CUBN: variants seen among roughly 807,000 people sequenced by gnomAD.
CUBN encodes cubilin.
Under a neutral mutation model 405.3 loss-of-function variants are expected in CUBN, and 282 were observed. That is an observed-to-expected ratio of 0.70 (90% CI 0.63 to 0.77). The LOEUF (loss-of-function observed/expected upper bound fraction) is 0.77, where lower values mean the gene tolerates loss of function less well. Among genes scored for constraint, CUBN ranks in the 30% least tolerant of loss-of-function variants. CUBN has a pLI of 0.00. For synonymous variants in CUBN, 1,684 were observed against 1,617.0 expected (o/e 1.04, Z -0.99); for missense variants, 4,514 against 4,475.2 (o/e 1.01, Z -0.25).
At chr10:16,956,339 A>C (rs1017251204) in intron 31 of CUBN, among the ~76,000 whole-genome samples, 4 of 151,998 alleles carry the variant, frequency 2.6e-5, no homozygotes, top group African/African-American at 7.2e-5. Context: ...ATATATATAT[A>C]TATCTCCAAT....
At chr10:17,066,475 C>T (rs1328222745) in intron 21 of CUBN, among the ~76,000 whole-genome samples, 2 of 151,576 alleles carry the variant, frequency 1.3e-5, no homozygotes, top group South Asian at 2.1e-4. Context: ...GAAATGGATA[C>T]GTCAATTGCT....
At chr10:16,856,168 G>A (rs534719166) in intron 59 of CUBN, among the ~76,000 whole-genome samples, 52 of 152,092 alleles carry the variant, frequency 3.4e-4, no homozygotes, top group African/African-American at 1.2e-3. Flanking sequence ...TAATGTATAA[G>A]CCATCTTAAC....
chr10:17,068,279 T>C lies in CUBN; in HGVS notation c.2793A>G (p.Ala931=), dbSNP rs1835658360. The C allele has an allele frequency of 6.2e-7, 1 of 1,613,522 alleles. No individual in the cohort carries two copies. The highest frequency in any genetic ancestry group is 8.5e-7 in the Non-Finnish European group (1 of 1,179,538). ...TTGATTCTGTAAGAATTTCTCCACA[T>C]GCTGTTGAAATAAAAATTATAATTA... ...FMAKFSAEDL[A]CGEILTESTG... The change falls in exon 21 of 67, where the codon GCA becomes GCG. Residue 931 remains alanine (A), a splice_region_variant and synonymous_variant. Coordinates refer to ENST00000377833, the MANE Select transcript of CUBN (RefSeq NM_001081.4).
At chr10:16,910,193 TC>T (rs755673635) in intron 48 of CUBN, among the ~76,000 whole-genome samples, 1 of 151,606 alleles carries the variant, frequency 6.6e-6, no homozygotes, top group African/African-American at 2.4e-5. Context: ...CTTCCCCTTC[TC>T]CCTCTTCTCC....
chr10:16,954,267 A>G, intron 32 of CUBN, 122 bp downstream of exon 32: 1 of 1,154,574 alleles, frequency 8.7e-7, no homozygotes, highest in Non-Finnish European at 1.3e-6. Flanking sequence ...GTTCTATTTA[A>G]TTTTTTACAT....
chr10:17,010,364 G>C (rs1357643361), intron 28 of CUBN, among the ~76,000 whole-genome samples: 1 of 152,176 alleles, frequency 6.6e-6, no homozygotes, highest in Non-Finnish European at 1.5e-5. Context: ...ACTTGGGCCA[G>C]GTGCAGTGGC....
At position 16,869,839 on chromosome 10, in the gene CUBN, T is replaced by C; in HGVS notation, c.9251A>G (p.Asp3084Gly). Residue 3084 changes from aspartate (D) to glycine (G), a missense_variant, in exon 59 of 67, where the codon GAT becomes GGT. Transcript: ENST00000377833. ...GGAGCAGGAGGTGGAGGGAACCACA[T>C]CAAAATCACTGAACCTGTGAAATGT... ...KVIELKFSDF[D>G]VVPSTSCSHD... 6.2e-7 allele frequency: 1 copy of C among 1,610,846 alleles called. No homozygotes were observed. The highest frequency in any genetic ancestry group is 2.2e-5 in the East Asian group (1 of 44,836).
intron 64 of CUBN, among the ~76,000 whole-genome samples, chr10:16,831,685 T>G (rs1293724552): frequency 6.6e-6 from 1 of 152,236 alleles, no homozygotes; most frequent in Non-Finnish European, 1.5e-5. Context: ...GCAGCTTTTT[T>G]ATACCGTAGT....
intron 31 of CUBN, among the ~76,000 whole-genome samples, chr10:16,962,455 G>C (rs1588524640): frequency 6.6e-6 from 1 of 151,638 alleles, no homozygotes; most frequent in East Asian, 1.9e-4. Context: ...TGTAGGGGTG[G>C]GGGGTGGTAG....
rs762174090 is a variant in CUBN at position 16,840,891 on chromosome 10, T to G, written c.9820A>C (p.Met3274Leu). 6.2e-7 allele frequency: 1 copy of G among 1,610,886 alleles called. No homozygotes were observed. The highest frequency in any genetic ancestry group is 2.2e-5 in the East Asian group (1 of 44,858). Residue 3274 changes from methionine (M) to leucine (L), a missense_variant, in exon 61 of 67, where the codon ATG becomes CTG. Around this residue, in one of 5 missense-constraint regions of CUBN, gnomAD observed 1,186 missense variants for 1,186.9 expected, o/e 1.00. Transcript: ENST00000377833. ...AATGCTTCTATTTACTCACTGTCCATGATGGTGTATGTAGCATTAAATCCT... is the reference window on the plus strand; with the variant it reads ...AATGCTTCTATTTACTCACTGTCCAGGATGGTGTATGTAGCATTAAATCCT... ...REGFNATYTIMDMPCGGTYNA... is the reference protein window; with the variant it reads ...REGFNATYTILDMPCGGTYNA...
In CUBN at chr10:17,100,044, C is replaced by G. The variant is rs1374227703; in HGVS notation, c.1726G>C (p.Gly576Arg). 6.2e-7 allele frequency: 1 copy of G among 1,613,802 alleles called. No individual in the cohort carries two copies. The highest frequency in any genetic ancestry group is 8.5e-7 in the Non-Finnish European group (1 of 1,179,812). The change falls in exon 14 of 67, where the codon GGG becomes CGG. Residue 576 changes from glycine to arginine, a missense_variant. By Grantham distance (125) the Gly-to-Arg change is moderately radical. Transcript: ENST00000377833. ...TCCCATCTTACTGTAAAGCCTCTCC[C>G]ATTTCTTAAATGTTCAGAATAGAGA... The part of the protein sequence containing the change: ...FHLYSEHLRN[G>R]RGFTVRWETQ...
Position 16,990,416 on chromosome 10 carries a change from G to A in CUBN, c.4268C>T (p.Thr1423Met), listed in dbSNP as rs483352704. The change falls in exon 29 of 67, where the codon ACG becomes ATG. Residue 1423 changes from threonine (T) to methionine (M), a missense_variant. Physicochemically the swap from Thr to Met is moderately conservative, Grantham distance 81. Coordinates refer to ENST00000377833, the MANE Select transcript of CUBN (RefSeq NM_001081.4). ...GAGCTGAATGCTACTCCCGGGGTCC[G>A]TCCTAATGTACCAGATACACTCCTT... is the stretch of plus-strand genomic sequence containing the variant. ...PNKECIWYIR[T>M]DPGSSIQLTI... The A allele has an allele frequency of 1.2e-5, 19 of 1,614,112 alleles. No homozygotes were observed. The highest frequency in any genetic ancestry group is 3.3e-5 in the Admixed American group (2 of 60,012).
At chr10:16,838,581 G>C (rs1588573852) in intron 62 of CUBN, among the ~76,000 whole-genome samples, 1 of 152,306 alleles carries the variant, frequency 6.6e-6, no homozygotes, top group East Asian at 1.9e-4. Context: ...GTGTCCAACT[G>C]TCTCCTCAAC....
At chr10:16,935,100 G>A (rs759168816) in intron 39 of CUBN, among the ~76,000 whole-genome samples, 1 of 151,528 alleles carries the variant, frequency 6.6e-6, no homozygotes, top group African/African-American at 2.4e-5. Flanking sequence ...ATTTAATTAC[G>A]ATACCATTAC....
chr10:17,061,714 G>A (rs1835508188), intron 22 of CUBN, among the ~76,000 whole-genome samples: 1 of 152,118 alleles, frequency 6.6e-6, no homozygotes, highest in Admixed American at 6.5e-5. Context: ...TGTTGTTGTT[G>A]GGATCATCCT....
chr10:17,084,516 A>G, intron 16 of CUBN, 55 bp from the exon 17 acceptor site: 1 of 1,492,488 alleles, frequency 6.7e-7, no homozygotes. Flanking sequence ...TCTGGCTTGC[A>G]GGCATTGGAT....
At chr10:17,001,679 A>G (rs1300752111) in intron 28 of CUBN, among the ~76,000 whole-genome samples, 3 of 152,220 alleles carry the variant, frequency 2.0e-5, no homozygotes, top group Non-Finnish European at 4.4e-5. Context: ...AATTAAACCA[A>G]TGCACTAAGC....
chr10:16,995,091 A>G (rs998290023), intron 28 of CUBN, among the ~76,000 whole-genome samples: 3 of 152,252 alleles, frequency 2.0e-5, no homozygotes, highest in African/African-American at 7.2e-5. Flanking sequence ...ACCCCGTCTC[A>G]AAAATGAAAA....
chr10:17,126,244 T>C (rs1164334063), intron 4 of CUBN, among the ~76,000 whole-genome samples: 1 of 152,212 alleles, frequency 6.6e-6, no homozygotes, highest in Non-Finnish European at 1.5e-5. Flanking sequence ...GTAAGAAGCC[T>C]AAGTTTACAT....
Sources: allele counts gnomAD v4.1 joint callset (sites outside exome capture counted in the v4.1 genomes callset), GRCh38; gene constraint gnomAD v4.1.1; regional missense constraint gnomAD v4.1.1; transcripts MANE v1.5; gene names NCBI Gene and HGNC (gene_info 2026-07-23, HGNC 2026-07-21).